MAP2: variants seen among roughly 807,000 people sequenced by gnomAD.
MAP2 encodes microtubule associated protein 2, also known as microtubule-associated protein 2.
MAP2 carries 14 observed loss-of-function variants against 137.6 expected under a neutral mutation model. The observed-to-expected ratio is 0.10, with a 90% CI of 0.07 to 0.16. The LOEUF (loss-of-function observed/expected upper bound fraction) is 0.16. Ranked by LOEUF, MAP2 falls within the 10% of genes least tolerant of loss-of-function variation. MAP2 has a pLI of 1.00. For synonymous variants in MAP2, 786 were observed against 782.3 expected (o/e 1.00, Z -0.08); for missense variants, 2,088 against 2,191.5 (o/e 0.95, Z 0.94).
At chr2:209,645,772 G>A (rs762354694) in intron 4 of MAP2, among the ~76,000 whole-genome samples, 1 of 152,066 alleles carries the variant, frequency 6.6e-6, no homozygotes, top group Non-Finnish European at 1.5e-5. Context: ...TTATAAATAA[G>A]GAACAGAACA....
intron 3 of MAP2, among the ~76,000 whole-genome samples, chr2:209,583,139 GTCTGTCTGTCTA>G (rs1559352394): frequency 8.9e-6 from 1 of 112,782 alleles, no homozygotes. Context: ...CTATCCATCT[GTCTGTCTGTCTA>G]TCTATCTATC....
chr2:209,646,560 T>A (rs1332688045), intron 4 of MAP2, among the ~76,000 whole-genome samples: 1 of 152,222 alleles, frequency 6.6e-6, no homozygotes, highest in Non-Finnish European at 1.5e-5. Flanking sequence ...ATTGTTGATG[T>A]TCCAGTCAAT....
intron 2 of MAP2, among the ~76,000 whole-genome samples, chr2:209,572,591 A>G (rs1221741655): frequency 2.6e-5 from 4 of 152,264 alleles, no homozygotes; most frequent in African/African-American, 9.6e-5. Flanking sequence ...TATCAAATAG[A>G]CAACAAGCTA....
rs1416447181 is a variant in MAP2 at position 209,730,262 on chromosome 2, A to G, written c.5349A>G (p.Pro1783=). The G allele has an allele frequency of 6.2e-7, 1 of 1,614,144 alleles. No individual in the cohort carries two copies. Among genetic ancestry groups the G allele is most frequent in the South Asian group, 1.1e-5 (1 of 91,076 alleles). ...DHGAEIITQS[P]GRSSVASPRR... ...GGGCTGAGATCATTACACAGTCCCC[A>G]GGCAGATCCAGCGTGGCATCACCCC... The change falls in exon 16 of 16, where the codon CCA becomes CCG. Residue 1783 remains proline (P), a synonymous_variant. Coordinates refer to ENST00000682079, the MANE Select transcript of MAP2 (RefSeq NM_001375505.1).
At chr2:209,677,397 G>C (rs1362459900) in intron 5 of MAP2, among the ~76,000 whole-genome samples, 1 of 144,372 alleles carries the variant, frequency 6.9e-6, no homozygotes, top group Admixed American at 6.8e-5. Context: ...TAGATAGATA[G>C]ATAGATAGAC....
chr2:209,541,215 A>G (rs975038743), intron 2 of MAP2, among the ~76,000 whole-genome samples: 3 of 150,996 alleles, frequency 2.0e-5, no homozygotes, highest in Admixed American at 2.0e-4. Flanking sequence ...ATTTTTGTAG[A>G]GATGGGGTTT....
In MAP2 at chr2:209,733,696, A is replaced by G. The variant is rs1043755379; in HGVS notation, c.*3299A>G. 6.6e-6 allele frequency: 1 copy of G among 152,192 alleles called. No individual in the cohort carries two copies. The highest frequency in any genetic ancestry group is 2.4e-5 in the African/African-American group (1 of 41,432). The allele number at this position is 152,192 out of a possible 1,614,324, so 9.4% of individuals were successfully genotyped here. A position where few individuals can be genotyped will look rare whatever the true frequency, so the allele number is the denominator to read the frequency against. ...AGTAGATTCATGGCTTGGTAAGGAA[A>G]TTTTAAGCATTCCTTCAAAGATTGA... is the stretch of plus-strand genomic sequence containing the variant. On this transcript the variant is annotated 3_prime_UTR_variant, in exon 16 of 16. Coordinates refer to ENST00000682079, the MANE Select transcript of MAP2 (RefSeq NM_001375505.1).
chr2:209,451,179 A>G (rs923090074), intron 1 of MAP2, among the ~76,000 whole-genome samples: 1 of 149,494 alleles, frequency 6.7e-6, no homozygotes, highest in Non-Finnish European at 1.5e-5. Context: ...ATGAAGTTGG[A>G]CTATGTTTAG....
At chr2:209,553,525 T>C (rs1187581674) in intron 2 of MAP2, among the ~76,000 whole-genome samples, 1 of 152,142 alleles carries the variant, frequency 6.6e-6, no homozygotes, top group Non-Finnish European at 1.5e-5. Flanking sequence ...ATACATTGAT[T>C]TCCTGATGTA....
At chr2:209,550,371 T>A (rs1406151465) in intron 2 of MAP2, among the ~76,000 whole-genome samples, 2 of 152,296 alleles carry the variant, frequency 1.3e-5, no homozygotes, top group African/African-American at 4.8e-5. Context: ...ATGTTTACTC[T>A]AAATTTTAGT....
chr2:209,660,066 G>A (rs1163536806), intron 5 of MAP2, among the ~76,000 whole-genome samples: 5 of 151,996 alleles, frequency 3.3e-5, no homozygotes, highest in Non-Finnish European at 1.5e-5. Flanking sequence ...ACAGTAGAAA[G>A]TGCCTACGTG....
chr2:209,510,004 C>T (rs1298456362), intron 2 of MAP2, among the ~76,000 whole-genome samples: 1 of 145,894 alleles, frequency 6.9e-6, no homozygotes, highest in Non-Finnish European at 1.5e-5. Context: ...AGACTGGAAA[C>T]GTGTTTTAAT....
intron 3 of MAP2, among the ~76,000 whole-genome samples, chr2:209,582,553 C>T (rs2076673521): frequency 6.6e-6 from 1 of 151,920 alleles, no homozygotes; most frequent in Non-Finnish European, 1.5e-5. Flanking sequence ...GGGGAGGAGG[C>T]CTTTCCCCCC....
At chr2:209,439,962 G>C (rs1353677050) in intron 1 of MAP2, among the ~76,000 whole-genome samples, 1 of 151,230 alleles carries the variant, frequency 6.6e-6, no homozygotes, top group Non-Finnish European at 1.5e-5. Context: ...ATCATGATAA[G>C]TTACAAACTG....
At chr2:209,561,237 T>A (rs536513024) in intron 2 of MAP2, among the ~76,000 whole-genome samples, 42 of 152,350 alleles carry the variant, frequency 2.8e-4, no homozygotes, top group African/African-American at 9.9e-4. Flanking sequence ...TTGTGTCAAA[T>A]TCAGGTGAAA....
chr2:209,652,840 GT>G (rs564592031), intron 4 of MAP2, among the ~76,000 whole-genome samples: 16 of 151,668 alleles, frequency 1.1e-4, no homozygotes, highest in African/African-American at 2.7e-4. Flanking sequence ...CCAAACACTA[GT>G]TTTTTTTCAT....
At chr2:209,451,122 C>T (rs1463923189) in intron 1 of MAP2, among the ~76,000 whole-genome samples, 2 of 152,082 alleles carry the variant, frequency 1.3e-5, no homozygotes, top group Non-Finnish European at 2.9e-5. Flanking sequence ...GTTATTTATC[C>T]TCTGATACTG....
In MAP2 at chr2:209,709,936, A is replaced by G; in HGVS notation, c.4755A>G (p.Ala1585=). The change falls in exon 13 of 16, where the codon GCA becomes GCG. Residue 1585 remains alanine (A), a synonymous_variant. Coordinates refer to ENST00000682079, the MANE Select transcript of MAP2 (RefSeq NM_001375505.1). ...CAGGGTCAGAGCCAATTCGCAGAGC[A>G]GGGAAGAGTGGTACCTCAACACCCA... ...RTTRSEPIRR[A]GKSGTSTPTT... 1.9e-6 allele frequency: 3 copies of G among 1,613,666 alleles called. No individual in the cohort carries two copies. The highest frequency in any genetic ancestry group is 2.5e-6 in the Non-Finnish European group (3 of 1,179,782).
intron 1 of MAP2, among the ~76,000 whole-genome samples, chr2:209,474,519 T>C: frequency 6.6e-6 from 1 of 152,160 alleles, no homozygotes. Context: ...CATTACATTC[T>C]AATATAATAG....
Sources: allele counts gnomAD v4.1 joint callset (sites outside exome capture counted in the v4.1 genomes callset), GRCh38; gene constraint gnomAD v4.1.1; transcripts MANE v1.5; gene names NCBI Gene and HGNC (gene_info 2026-07-23, HGNC 2026-07-21).